CHCHD6: variants seen among roughly 807,000 people sequenced by gnomAD.
The protein encoded by CHCHD6 is coiled-coil-helix-coiled-coil-helix domain containing 6.
In CHCHD6, 28 loss-of-function variants were observed where a neutral mutation model predicts 32.3. That is an observed-to-expected ratio of 0.87 (90% CI 0.64 to 1.19). The LOEUF (loss-of-function observed/expected upper bound fraction) is 1.19. Ranked by LOEUF, CHCHD6 falls within the 50% of genes most tolerant of loss-of-function variation. The probability of loss-of-function intolerance (pLI) is 0.00; values close to 1 mark genes in which losing one functional copy is unlikely to be tolerated. For missense variants in CHCHD6, 333 were observed against 307.0 expected (o/e 1.08, Z -0.63); for synonymous variants, 122 against 117.5 (o/e 1.04, Z -0.25).
At chr3:126,925,315 G>T (rs1346985109) in intron 6 of CHCHD6, among the ~76,000 whole-genome samples, 2 of 152,194 alleles carry the variant, frequency 1.3e-5, no homozygotes, top group African/African-American at 4.8e-5. Flanking sequence ...AAAGGAGAAG[G>T]CTGACCAGAG....
At chr3:126,830,467 C>T (rs1940593480) in intron 4 of CHCHD6, among the ~76,000 whole-genome samples, 4 of 152,224 alleles carry the variant, frequency 2.6e-5, no homozygotes, top group South Asian at 4.1e-4. Context: ...TCCTGGGTGC[C>T]TCTTGCTGGA....
intron 6 of CHCHD6, chr3:126,949,582 GCCCGGA>G: frequency 5.9e-6 from 1 of 169,116 alleles, no homozygotes; most frequent in Admixed American, 6.9e-5. Flanking sequence ...GAAGGCTGCT[GCCCGGA>G]CTGCCGCCGT....
At chr3:126,786,768 T>G (rs1435254998) in intron 4 of CHCHD6, among the ~76,000 whole-genome samples, 11 of 152,264 alleles carry the variant, frequency 7.2e-5, no homozygotes, top group South Asian at 4.1e-4. Flanking sequence ...CTCCCATTTT[T>G]TAGGTTGTCT....
intron 5 of CHCHD6, among the ~76,000 whole-genome samples, chr3:126,858,270 G>A (rs955952645): frequency 3.9e-4 from 57 of 144,934 alleles, no homozygotes; most frequent in African/African-American, 1.4e-3. Flanking sequence ...GGGGGCAGCA[G>A]TGACTAGCAG....
rs79820511 is a variant in CHCHD6, at chr3:126,925,179, G to C, written c.566+10429G>C. Among the ~76,000 whole-genome samples, 1,424 of 152,330 alleles carry C rather than the reference G, an allele frequency of 9.3e-3. 10 individuals carry two copies. Among genetic ancestry groups the C allele is most frequent in the Non-Finnish European group, 0.017 (1,132 of 68,040 alleles). ...GTCACCACGAATAATCAAGTGCTGG[G>C]TGCCTGGCACTCCATTTGGGGCTGT... On this transcript the variant is annotated intron_variant, in intron 6 of 7. Coordinates refer to ENST00000290913, the MANE Select transcript of CHCHD6 (RefSeq NM_032343.3).
At chr3:126,712,650 A>G (rs766399261) in intron 1 of CHCHD6, among the ~76,000 whole-genome samples, 4 of 152,104 alleles carry the variant, frequency 2.6e-5, no homozygotes, top group Admixed American at 6.6e-5. Flanking sequence ...TCCAGCATCA[A>G]CCACCGTCTC....
chr3:126,732,937 G>A, intron 3 of CHCHD6, 141 bp from the exon 4 acceptor site: 1 of 830,100 alleles, frequency 1.2e-6, no homozygotes, highest in Non-Finnish European at 1.9e-6. Context: ...CGGTTTCACA[G>A]CACTCTCTCC....
chr3:126,859,510 A>G (rs114790133), intron 5 of CHCHD6, among the ~76,000 whole-genome samples: 2,744 of 152,328 alleles, frequency 0.018, 30 homozygotes, highest in Middle Eastern at 0.051. Flanking sequence ...GATGATTGAG[A>G]AGTATCAGAC....
At chr3:126,770,560 C>A (rs1467469491) in intron 4 of CHCHD6, among the ~76,000 whole-genome samples, 1 of 152,042 alleles carries the variant, frequency 6.6e-6, no homozygotes, top group Non-Finnish European at 1.5e-5. Context: ...TTATAGGAAA[C>A]CTTTTCTGCA....
chr3:126,939,153 C>G (rs189233727), intron 6 of CHCHD6, among the ~76,000 whole-genome samples: 1 of 152,258 alleles, frequency 6.6e-6, no homozygotes, highest in African/African-American at 2.4e-5. Flanking sequence ...CAGTTCAAGC[C>G]AGCCTGCCTC....
chr3:126,766,629 G>A (rs1220229943), intron 4 of CHCHD6: 24 of 1,038,222 alleles, frequency 2.3e-5, no homozygotes, highest in Non-Finnish European at 3.3e-5. Flanking sequence ...CCCGAAGGTC[G>A]GTGATGGGCC....
rs746983562 is a variant in CHCHD6 at position 126,914,739 on chromosome 3, G to A, written c.555G>A (p.Glu185=). ...TCCATGAGGCAGCCTCAAAGATGGAGAGCACAATAAAGTAAGAATTTGTTT... is the reference window on the plus strand; with the variant it reads ...TCCATGAGGCAGCCTCAAAGATGGAAAGCACAATAAAGTAAGAATTTGTTT... ...EQFHEAASKM[E]STIKPRRVEP... is the part of the protein sequence containing the mutation. Residue 185 remains glutamate (E), a synonymous_variant, in exon 6 of 8, where the codon GAG becomes GAA. Transcript: ENST00000290913. The A allele has an allele frequency of 1.3e-6, 2 of 1,566,852 alleles. No individual in the cohort carries two copies. The highest frequency in any genetic ancestry group is 1.8e-6 in the Non-Finnish European group (2 of 1,136,820).
chr3:126,904,357 G>A (rs2077975299), intron 5 of CHCHD6, among the ~76,000 whole-genome samples: 1 of 152,186 alleles, frequency 6.6e-6, no homozygotes, highest in Admixed American at 6.5e-5. Context: ...ATAGAGGTGG[G>A]TCATTCCCAC....
intron 7 of CHCHD6, among the ~76,000 whole-genome samples, chr3:126,958,807 G>A (rs72982836): frequency 7.2e-4 from 110 of 152,328 alleles, no homozygotes; most frequent in African/African-American, 2.6e-3. Context: ...CACGTGGGCA[G>A]GAGGCGCTGG....
At chr3:126,902,739 A>T (rs1324077538) in intron 5 of CHCHD6, among the ~76,000 whole-genome samples, 1 of 150,924 alleles carries the variant, frequency 6.6e-6, no homozygotes, top group African/African-American at 2.4e-5. Flanking sequence ...AAAAAAATCA[A>T]TGTAGTGCTC....
At chr3:126,799,514 C>A (rs1033571631) in intron 4 of CHCHD6, among the ~76,000 whole-genome samples, 2 of 152,142 alleles carry the variant, frequency 1.3e-5, no homozygotes, top group Admixed American at 1.3e-4. Flanking sequence ...ACAAACAGGA[C>A]GTGAAGAGAT....
At chr3:126,733,470 C>G (rs150527708) in intron 4 of CHCHD6, among the ~76,000 whole-genome samples, 157 of 152,338 alleles carry the variant, frequency 1.0e-3, no homozygotes, top group Middle Eastern at 6.8e-3. Flanking sequence ...GGCCTCAGGT[C>G]TACACAGTAA....
At chr3:126,907,170 G>A (rs1390266695) in intron 5 of CHCHD6, among the ~76,000 whole-genome samples, 1 of 152,214 alleles carries the variant, frequency 6.6e-6, no homozygotes, top group African/African-American at 2.4e-5. Context: ...ATTACAAGTT[G>A]CATGGAAGGT....
intron 4 of CHCHD6, among the ~76,000 whole-genome samples, chr3:126,795,682 G>A (rs1938758754): frequency 6.6e-6 from 1 of 152,140 alleles, no homozygotes. Context: ...TGTTGGCAAG[G>A]TAACTCGTAT....
Sources: gnomAD v4.1 joint callset for allele counts (sites outside exome capture counted in the v4.1 genomes callset) on GRCh38, gnomAD v4.1.1 for gene constraint, MANE v1.5 for transcripts, NCBI Gene and HGNC (gene_info 2026-07-23, HGNC 2026-07-21) for gene names.